The following SPAG16 variants were observed in gnomAD, a reference collection of about 807,000 sequenced individuals.
The protein encoded by SPAG16 is sperm-associated antigen 16 protein.
In SPAG16, 86 loss-of-function variants were observed where a neutral mutation model predicts 80.4. That is an observed-to-expected ratio of 1.07 (90% CI 0.90 to 1.28). SPAG16 has a LOEUF of 1.28. SPAG16 is among the 50% of genes most tolerant of loss of function. The pLI, the probability that SPAG16 is intolerant of heterozygous loss-of-function variation, is 0.00. For missense variants in SPAG16, 870 were observed against 765.3 expected (o/e 1.14, Z -1.61); for synonymous variants, 294 against 265.9 (o/e 1.11, Z -1.03).
At chr2:213,496,445 C>T (rs2074492088) in intron 10 of SPAG16, among the ~76,000 whole-genome samples, 1 of 152,110 alleles carries the variant, frequency 6.6e-6, no homozygotes, top group African/African-American at 2.4e-5. Flanking sequence ...CTTAGATATA[C>T]ATAGGACACC....
intron 9 of SPAG16, among the ~76,000 whole-genome samples, chr2:213,414,513 T>C (rs1176409286): frequency 6.6e-6 from 1 of 152,218 alleles, no homozygotes; most frequent in East Asian, 1.9e-4. Context: ...TTATGACTTT[T>C]GAGTTTTCAA....
In SPAG16 at chr2:213,687,666, G is replaced by A. The variant is rs146860523; in HGVS notation, c.1071-174819G>A. ...CTTTTGTAAAGGCATATGTTTTTTT[G>A]TCTGACCCCTTTCGAGATTTTATCA... is the stretch of plus-strand genomic sequence containing the variant. On this transcript the variant is annotated intron_variant, in intron 10 of 15. Coordinates refer to ENST00000331683, the MANE Select transcript of SPAG16 (RefSeq NM_024532.5). Among the ~76,000 whole-genome samples, 215 of 151,890 alleles carry A rather than the reference G, an allele frequency of 1.4e-3. 2 individuals carry two copies. The highest frequency in any genetic ancestry group is 4.7e-3 in the African/African-American group (196 of 41,454).
intron 11 of SPAG16, among the ~76,000 whole-genome samples, chr2:213,890,811 T>C (rs2076757502): frequency 6.6e-6 from 1 of 152,016 alleles, no homozygotes; most frequent in Non-Finnish European, 1.5e-5. Flanking sequence ...GCTTTGCTCA[T>C]CTATCTTTTC....
At position 213,371,211 on chromosome 2, in the gene SPAG16, A is replaced by G. The variant is rs539231787; in HGVS notation, c.833-3799A>G. On this transcript the variant is annotated intron_variant, in intron 8 of 15. Transcript: ENST00000331683. ...ATCACGAGGTCAGGAAATCAAGACCATCCTGGCCAACATGGTAAAACCCCG... is the reference window on the plus strand; with the variant it reads ...ATCACGAGGTCAGGAAATCAAGACCGTCCTGGCCAACATGGTAAAACCCCG... Among the ~76,000 whole-genome samples the G allele has an allele frequency of 3.9e-5, 6 of 152,206 alleles. 1 individual carries two copies. The highest frequency in any genetic ancestry group is 2.0e-4 in the Admixed American group (3 of 15,290).
intron 10 of SPAG16, among the ~76,000 whole-genome samples, chr2:213,709,181 A>G (rs1465186326): frequency 6.6e-6 from 1 of 152,208 alleles, no homozygotes; most frequent in Non-Finnish European, 1.5e-5. Context: ...GTTCATGGCA[A>G]TCCATGGCCC....
At chr2:213,898,391 T>C (rs1245886575) in intron 11 of SPAG16, among the ~76,000 whole-genome samples, 2 of 152,154 alleles carry the variant, frequency 1.3e-5, no homozygotes, top group Non-Finnish European at 2.9e-5. Context: ...GGGTTATCAA[T>C]TCCTTGGTGA....
At chr2:213,408,550 C>T (rs2654556) in intron 9 of SPAG16, among the ~76,000 whole-genome samples, 92,047 of 151,524 alleles carry the variant, frequency 0.61, 28,659 homozygotes, top group Middle Eastern at 0.73. Context: ...CACTGAAAAT[C>T]CCCCTAACCC....
chr2:213,525,625 C>T, intron 10 of SPAG16, among the ~76,000 whole-genome samples: 5 of 152,050 alleles, frequency 3.3e-5, no homozygotes, highest in Non-Finnish European at 7.4e-5. Context: ...CAGTCTCAGG[C>T]ATGTATTTAT....
At chr2:213,378,517 A>T (rs1457926183) in intron 9 of SPAG16, among the ~76,000 whole-genome samples, 1 of 47,734 alleles carries the variant, frequency 2.1e-5, no homozygotes, top group Non-Finnish European at 4.5e-5. Context: ...TTAAATGTTG[A>T]TGTGAAGTCA....
chr2:213,856,745 C>T (rs546884784), intron 10 of SPAG16, among the ~76,000 whole-genome samples: 5 of 152,148 alleles, frequency 3.3e-5, no homozygotes, highest in Admixed American at 6.5e-5. Context: ...TGCAGGGCAC[C>T]GAGTCCCAAG....
intron 8 of SPAG16, among the ~76,000 whole-genome samples, chr2:213,369,502 C>G (rs916085692): frequency 6.6e-6 from 1 of 152,044 alleles, no homozygotes; most frequent in African/African-American, 2.4e-5. Context: ...TCAAAACACA[C>G]CTATCTGTAC....
intron 10 of SPAG16, among the ~76,000 whole-genome samples, chr2:213,801,432 T>G (rs2071391673): frequency 6.6e-6 from 1 of 152,250 alleles, no homozygotes; most frequent in African/African-American, 2.4e-5. Context: ...TATAGGAGAT[T>G]GACAGATTGT....
chr2:213,753,612 A>G (rs1233092040), intron 10 of SPAG16, among the ~76,000 whole-genome samples: 1 of 152,220 alleles, frequency 6.6e-6, no homozygotes, highest in African/African-American at 2.4e-5. Context: ...AAGAAGCAGG[A>G]AACTGTAAAC....
At chr2:213,554,229 T>C (rs1159370747) in intron 10 of SPAG16, among the ~76,000 whole-genome samples, 1 of 152,184 alleles carries the variant, frequency 6.6e-6, no homozygotes, top group East Asian at 1.9e-4. Flanking sequence ...ATATACAGTG[T>C]TGGTTGCTGA....
chr2:214,393,807 A>C (rs1410929769), intron 15 of SPAG16, among the ~76,000 whole-genome samples: 1 of 152,206 alleles, frequency 6.6e-6, no homozygotes, highest in East Asian at 1.9e-4. Context: ...TCAAAGCTTT[A>C]GATTTGCTCT....
At chr2:214,140,938 G>A (rs2055320446) in intron 14 of SPAG16, among the ~76,000 whole-genome samples, 1 of 97,690 alleles carries the variant, frequency 1.0e-5, no homozygotes, top group African/African-American at 3.9e-5. Context: ...ATTGGTGGGG[G>A]GGGGGGGGTG....
chr2:213,702,836 AAAC>A (rs1422309725), intron 10 of SPAG16, among the ~76,000 whole-genome samples: 3 of 152,316 alleles, frequency 2.0e-5, no homozygotes, highest in African/African-American at 4.8e-5. Flanking sequence ...TTGGCATGGA[AAAC>A]AACAAGCTGC....
intron 15 of SPAG16, among the ~76,000 whole-genome samples, chr2:214,175,734 A>G (rs2057058530): frequency 6.6e-6 from 1 of 151,536 alleles, no homozygotes; most frequent in Non-Finnish European, 1.5e-5. Context: ...AAGCAAGAAA[A>G]CAGTTCCTGG....
At chr2:214,060,105 A>G (rs765207939) in intron 13 of SPAG16, among the ~76,000 whole-genome samples, 4 of 152,260 alleles carry the variant, frequency 2.6e-5, no homozygotes, top group Admixed American at 6.5e-5. Flanking sequence ...GAAAGACTAC[A>G]CAAAGCCAGT....
Sources: allele counts gnomAD v4.1 joint callset (sites outside exome capture counted in the v4.1 genomes callset), GRCh38; gene constraint gnomAD v4.1.1; transcripts MANE v1.5; gene names NCBI Gene and HGNC (gene_info 2026-07-23, HGNC 2026-07-21).